Variants in LYZL4 observed in about 807,000 individuals in gnomAD.
LYZL4 encodes lysozyme like 4.
LYZL4 carries 13 observed loss-of-function variants against 17.6 expected under a neutral mutation model. That is an observed-to-expected ratio of 0.74 (90% CI 0.48 to 1.18). The LOEUF is 1.18. Among genes scored for constraint, LYZL4 ranks in the 50% most tolerant of loss-of-function variants. The pLI, the probability that LYZL4 is intolerant of heterozygous loss-of-function variation, is 0.00. For missense variants in LYZL4, 174 were observed against 188.2 expected, an observed-to-expected ratio of 0.92 and a Z score of 0.44; for synonymous variants, 64 against 67.7, an observed-to-expected ratio of 0.95 and a Z score of 0.27.
the LYZL4 span, among the ~76,000 whole-genome samples, chr3:42,379,122 T>C: frequency 1.3e-5 from 2 of 152,148 alleles, no homozygotes; most frequent in Non-Finnish European, 2.9e-5. Context: ...CACAAGTCTG[T>C]GATTTGGCAG....
intron 3 of LYZL4, 39 bp downstream of exon 3, chr3:42,406,803 ATAGC>A: frequency 6.2e-7 from 1 of 1,608,900 alleles, no homozygotes; most frequent in Non-Finnish European, 8.5e-7. Flanking sequence ...ACACAGCACC[ATAGC>A]CTCCAGTGCC....
At chr3:42,406,705 C>T in intron 3 of LYZL4, 141 bp downstream of exon 3, 1 of 1,040,226 alleles carries the variant, frequency 9.6e-7, no homozygotes, top group South Asian at 1.5e-5. Context: ...GCTCAGCCTC[C>T]CAGGGACCCA....
chr3:42,389,806 T>C, the LYZL4 span, among the ~76,000 whole-genome samples: 1 of 152,138 alleles, frequency 6.6e-6, no homozygotes, highest in African/African-American at 2.4e-5. Context: ...TTCCTACTTA[T>C]AGGAATCCAT....
At chr3:42,382,118 G>A in the LYZL4 span, among the ~76,000 whole-genome samples, 1 of 152,232 alleles carries the variant, frequency 6.6e-6, no homozygotes, top group African/African-American at 2.4e-5. Flanking sequence ...CTGTTTGCCA[G>A]AAACGGTGCT....
At chr3:42,385,543 C>T in the LYZL4 span, among the ~76,000 whole-genome samples, 154 of 152,278 alleles carry the variant, frequency 1.0e-3, no homozygotes, top group African/African-American at 3.5e-3. Flanking sequence ...ATGCACTTCT[C>T]GGATGTATCC....
chr3:42,390,625 G>A, the LYZL4 span, among the ~76,000 whole-genome samples: 1 of 151,972 alleles, frequency 6.6e-6, no homozygotes, highest in Non-Finnish European at 1.5e-5. Context: ...ACTGAAAGGG[G>A]AGCAGTTATT....
the LYZL4 span, among the ~76,000 whole-genome samples, chr3:42,378,565 G>A: frequency 6.6e-6 from 1 of 152,142 alleles, no homozygotes; most frequent in Non-Finnish European, 1.5e-5. Flanking sequence ...GACAATAAAA[G>A]GTTGTTTAAT....
the LYZL4 span, among the ~76,000 whole-genome samples, chr3:42,372,247 C>T: frequency 6.6e-6 from 1 of 152,182 alleles, no homozygotes; most frequent in African/African-American, 2.4e-5. Flanking sequence ...AATTCAAATC[C>T]TAACTCTGCC....
intron 4 of LYZL4, among the ~76,000 whole-genome samples, chr3:42,403,328 T>C (rs1219226947): frequency 1.3e-5 from 2 of 152,110 alleles, no homozygotes; most frequent in Non-Finnish European, 2.9e-5. Context: ...GGTGTGATCT[T>C]AGCTCACTAC....
At chr3:42,395,107 C>G (rs1698533582), downstream of LYZL4, among the ~76,000 whole-genome samples, 1 of 152,120 alleles carries the variant, frequency 6.6e-6, no homozygotes, top group South Asian at 2.1e-4. Context: ...GGAGGGAAAG[C>G]CACACAAAAC....
At chr3:42,406,710 G>C (rs1181460030) in intron 3 of LYZL4, 136 bp downstream of exon 3, 1 of 1,080,916 alleles carries the variant, frequency 9.3e-7, no homozygotes, top group African/African-American at 1.6e-5. Context: ...GCCTCCCAGG[G>C]ACCCACCCTG....
At chr3:42,388,226 C>T in the LYZL4 span, among the ~76,000 whole-genome samples, 14 of 152,308 alleles carry the variant, frequency 9.2e-5, no homozygotes, top group South Asian at 2.1e-3. Context: ...CCTAGCTATG[C>T]GCACTCTTGT....
At chr3:42,374,918 C>T in the LYZL4 span, among the ~76,000 whole-genome samples, 1 of 152,130 alleles carries the variant, frequency 6.6e-6, no homozygotes, top group Admixed American at 6.5e-5. Context: ...AACCCATCCT[C>T]CCACCTCAGC....
the LYZL4 span, among the ~76,000 whole-genome samples, chr3:42,374,780 C>A: frequency 6.6e-6 from 1 of 152,168 alleles, no homozygotes; most frequent in South Asian, 2.1e-4. Flanking sequence ...TCTAATTGCT[C>A]CTCAATTATT....
chr3:42,408,470 A>G (rs1462530338), intron 1 of LYZL4, among the ~76,000 whole-genome samples: 1 of 151,980 alleles, frequency 6.6e-6, no homozygotes, highest in Non-Finnish European at 1.5e-5. Context: ...TTGAGGCCTC[A>G]CCCCGGGTGC....
the LYZL4 span, among the ~76,000 whole-genome samples, chr3:42,388,069 C>T: frequency 6.6e-5 from 10 of 152,170 alleles, no homozygotes; most frequent in African/African-American, 2.4e-4. Flanking sequence ...CTCCTTTTCC[C>T]CCCTGTTCAT....
the LYZL4 span, among the ~76,000 whole-genome samples, chr3:42,376,169 A>T: frequency 6.6e-6 from 1 of 152,220 alleles, no homozygotes; most frequent in East Asian, 1.9e-4. Context: ...CTCATTAAGG[A>T]ATGTGCAGAA....
the LYZL4 span, among the ~76,000 whole-genome samples, chr3:42,391,205 A>G: frequency 6.6e-6 from 1 of 152,240 alleles, no homozygotes; most frequent in East Asian, 1.9e-4. Context: ...TTCAATAGTC[A>G]AATGAAACAT....
chr3:42,373,927 G>A, the LYZL4 span, among the ~76,000 whole-genome samples: 1 of 152,110 alleles, frequency 6.6e-6, no homozygotes, highest in Admixed American at 6.5e-5. Flanking sequence ...TATGGGTTAG[G>A]CTTTGTGACT....
Sources: gnomAD v4.1 joint callset for allele counts (sites outside exome capture counted in the v4.1 genomes callset) on GRCh38, gnomAD v4.1.1 for gene constraint, MANE v1.5 for transcripts, NCBI Gene and HGNC (gene_info 2026-07-23, HGNC 2026-07-21) for gene names.